TSNARE1: variants seen among roughly 807,000 people sequenced by gnomAD.
TSNARE1 encodes t-SNARE domain-containing protein 1.
In TSNARE1, 49 loss-of-function variants were observed where a neutral mutation model predicts 62.0. The observed-to-expected ratio is 0.79, with a 90% confidence interval of 0.63 to 1.00. TSNARE1 has a LOEUF of 1.00. Ranked by LOEUF, TSNARE1 falls within the 50% of genes least tolerant of loss-of-function variation. The pLI is 0.00. For synonymous variants in TSNARE1, 328 were observed against 294.4 expected, an observed-to-expected ratio of 1.11 and a Z score of -1.17; for missense variants, 755 against 700.1, an observed-to-expected ratio of 1.08 and a Z score of -0.88.
intron 4 of TSNARE1, among the ~76,000 whole-genome samples, chr8:142,339,844 CGCCCTCCTCCTCTGCAACCA>C (rs1832294399): frequency 6.6e-6 from 1 of 152,258 alleles, no homozygotes; most frequent in Admixed American, 6.5e-5. Flanking sequence ...TGCCGTACAG[CGCCCTCCTCCTCTGCAACCA>C]GCCCTCCTCT....
chr8:142,355,469 G>A (rs1049213789), intron 1 of TSNARE1, among the ~76,000 whole-genome samples: 3 of 152,168 alleles, frequency 2.0e-5, no homozygotes. Flanking sequence ...CGCCACCCTT[G>A]GGGCACCGGC....
At chr8:142,360,426 A>G (rs1209138800) in intron 1 of TSNARE1, among the ~76,000 whole-genome samples, 3 of 152,130 alleles carry the variant, frequency 2.0e-5, no homozygotes, top group Admixed American at 2.0e-4. Context: ...CAGCGGGGCC[A>G]GGACGGAGGG....
At chr8:142,259,806 A>G (rs1818766396) in intron 12 of TSNARE1, among the ~76,000 whole-genome samples, 2 of 152,148 alleles carry the variant, frequency 1.3e-5, no homozygotes, top group Non-Finnish European at 2.9e-5. Flanking sequence ...CGAGTTGCTA[A>G]GAATGCAACT....
At chr8:142,280,019 T>A in intron 11 of TSNARE1, 1 of 1,217,940 alleles carries the variant, frequency 8.2e-7, no homozygotes, top group Non-Finnish European at 1.0e-6. Flanking sequence ...CACTTGTGCT[T>A]GAGGTCCCCC....
chr8:142,341,063 A>T (rs1286806899), intron 4 of TSNARE1, among the ~76,000 whole-genome samples: 1 of 152,196 alleles, frequency 6.6e-6, no homozygotes, highest in Non-Finnish European at 1.5e-5. Context: ...CCTGGGTCGG[A>T]AAAGGAGGTG....
At chr8:142,244,669 C>T (rs192056485) in intron 12 of TSNARE1, among the ~76,000 whole-genome samples, 8 of 152,168 alleles carry the variant, frequency 5.3e-5, no homozygotes, top group African/African-American at 1.4e-4. Flanking sequence ...ACTCCTAGAA[C>T]GAATCCGGGA....
At chr8:142,315,367 G>A (rs568812612) in intron 7 of TSNARE1, among the ~76,000 whole-genome samples, 61 of 152,318 alleles carry the variant, frequency 4.0e-4, no homozygotes, top group Non-Finnish European at 7.6e-4. Flanking sequence ...CACCACCTCC[G>A]CGAGCAGCAC....
At chr8:142,393,877 G>A (rs556311857) in intron 1 of TSNARE1, among the ~76,000 whole-genome samples, 59 of 152,348 alleles carry the variant, frequency 3.9e-4, no homozygotes, top group African/African-American at 1.2e-3. Flanking sequence ...CTCCCTCGGG[G>A]AGTGTGGGGC....
At chr8:142,233,806 C>T (rs1817248081) in intron 12 of TSNARE1, among the ~76,000 whole-genome samples, 1 of 152,156 alleles carries the variant, frequency 6.6e-6, no homozygotes, top group Non-Finnish European at 1.5e-5. Context: ...GCCCCACCAC[C>T]TCCAGGATGC....
chr8:142,387,706 C>G (rs897251703), intron 1 of TSNARE1, among the ~76,000 whole-genome samples: 1 of 152,026 alleles, frequency 6.6e-6, no homozygotes, highest in Non-Finnish European at 1.5e-5. Flanking sequence ...AAAGTTCAAA[C>G]AGAGTAATTT....
At chr8:142,250,855 C>T (rs566233805) in intron 12 of TSNARE1, among the ~76,000 whole-genome samples, 2 of 152,194 alleles carry the variant, frequency 1.3e-5, no homozygotes, top group Non-Finnish European at 2.9e-5. Context: ...AACGCAGGAG[C>T]CGACGGACGA....
intron 12 of TSNARE1, among the ~76,000 whole-genome samples, chr8:142,264,162 C>T (rs1346891389): frequency 2.0e-5 from 3 of 152,186 alleles, no homozygotes; most frequent in African/African-American, 7.2e-5. Flanking sequence ...CTTCATATCC[C>T]TTAATGATTT....
At chr8:142,268,401 C>T (rs564215107) in intron 12 of TSNARE1, among the ~76,000 whole-genome samples, 1 of 152,344 alleles carries the variant, frequency 6.6e-6, no homozygotes, top group African/African-American at 2.4e-5. Flanking sequence ...CCTTGGTCTT[C>T]TCTGCCTGAG....
intron 2 of TSNARE1, among the ~76,000 whole-genome samples, chr8:142,350,487 T>G (rs1227463174): frequency 6.6e-6 from 1 of 152,132 alleles, no homozygotes; most frequent in Non-Finnish European, 1.5e-5. Flanking sequence ...AGGAAAACAC[T>G]AGACCCACAT....
intron 12 of TSNARE1, among the ~76,000 whole-genome samples, chr8:142,244,147 C>G (rs868563138): frequency 6.6e-6 from 1 of 152,246 alleles, no homozygotes; most frequent in Non-Finnish European, 1.5e-5. Context: ...GATCGCGCCA[C>G]TGCACTCTAG....
At chr8:142,385,171 C>T (rs1837029810) in intron 1 of TSNARE1, among the ~76,000 whole-genome samples, 1 of 152,012 alleles carries the variant, frequency 6.6e-6, no homozygotes, top group South Asian at 2.1e-4. Flanking sequence ...ACCAGCCAGG[C>T]CACAGATTCC....
intron 13 of TSNARE1, among the ~76,000 whole-genome samples, chr8:142,221,092 C>A (rs1356790969): frequency 2.6e-5 from 4 of 152,228 alleles, no homozygotes; most frequent in African/African-American, 9.6e-5. Context: ...CTCACTCCAC[C>A]GTGCCTGGCT....
At chr8:142,321,063 A>T (rs969815428) in intron 6 of TSNARE1, among the ~76,000 whole-genome samples, 2 of 152,212 alleles carry the variant, frequency 1.3e-5, no homozygotes, top group African/African-American at 4.8e-5. Context: ...TACCCCAGGC[A>T]TCAGATCACC....
At chr8:142,259,624 T>C (rs1182112937) in intron 12 of TSNARE1, among the ~76,000 whole-genome samples, 1 of 152,338 alleles carries the variant, frequency 6.6e-6, no homozygotes, top group East Asian at 1.9e-4. Flanking sequence ...TTTAACCTGC[T>C]TGGCCTCCCA....
Sources: allele counts gnomAD v4.1 joint callset (sites outside exome capture counted in the v4.1 genomes callset), GRCh38; gene constraint gnomAD v4.1.1; transcripts MANE v1.5; gene names NCBI Gene and HGNC (gene_info 2026-07-23, HGNC 2026-07-21).